Variants in RAB37 observed in about 807,000 individuals in gnomAD.
RAB37 encodes the protein RAB37, member RAS oncogene family, also known as ras-related protein Rab-37.
In RAB37, 29 loss-of-function variants were observed where a neutral mutation model predicts 33.1. The observed-to-expected ratio is 0.88, with a 90% CI of 0.65 to 1.20. The LOEUF (loss-of-function observed/expected upper bound fraction) is 1.20, where lower values mean the gene tolerates loss of function less well. Ranked by LOEUF, RAB37 falls within the 50% of genes most tolerant of loss-of-function variation. The pLI, the probability that RAB37 is intolerant of heterozygous loss-of-function variation, is 0.00. For missense variants in RAB37, 299 were observed against 301.1 expected (o/e 0.99, Z 0.05); for synonymous variants, 128 against 119.5 (o/e 1.07, Z -0.47).
At chr17:74,706,426 A>C (rs2033523096) in intron 1 of RAB37, among the ~76,000 whole-genome samples, 1 of 151,578 alleles carries the variant, frequency 6.6e-6, no homozygotes, top group South Asian at 2.1e-4. Flanking sequence ...GAATAAAAAG[A>C]ACATATATAT....
At chr17:74,693,142 T>C (rs1343569315) in intron 1 of RAB37, among the ~76,000 whole-genome samples, 1 of 152,232 alleles carries the variant, frequency 6.6e-6, no homozygotes, top group Admixed American at 6.5e-5. Flanking sequence ...AAGGAAGGCC[T>C]CTTCTAAGAG....
chr17:74,673,879 C>A (rs1036729279), intron 1 of RAB37, among the ~76,000 whole-genome samples: 2 of 152,136 alleles, frequency 1.3e-5, no homozygotes, highest in Non-Finnish European at 2.9e-5. Context: ...GTGCTGACAA[C>A]CTCCTCCTAA....
chr17:74,673,147 G>A (rs1330591270), intron 1 of RAB37, among the ~76,000 whole-genome samples: 1 of 152,190 alleles, frequency 6.6e-6, no homozygotes, highest in Non-Finnish European at 1.5e-5. Context: ...GCTCACACCT[G>A]TAATCTCAGC....
intron 1 of RAB37, among the ~76,000 whole-genome samples, chr17:74,716,525 T>C (rs867914575): frequency 6.6e-6 from 1 of 152,224 alleles, no homozygotes; most frequent in Non-Finnish European, 1.5e-5. Context: ...CATTATTACA[T>C]TGAATCCTCA....
chr17:74,710,530 T>A (rs949355492), intron 1 of RAB37, among the ~76,000 whole-genome samples: 1 of 151,972 alleles, frequency 6.6e-6, no homozygotes, highest in South Asian at 2.1e-4. Flanking sequence ...TTCCTAGGAA[T>A]AACTTTAACA....
At chr17:74,698,651 G>A in intron 1 of RAB37, 1 of 1,457,964 alleles carries the variant, frequency 6.9e-7, no homozygotes. Flanking sequence ...GGTTTACAAT[G>A]AGTACACATA....
chr17:74,726,648 A>G (rs150950983), intron 1 of RAB37, among the ~76,000 whole-genome samples: 24 of 152,294 alleles, frequency 1.6e-4, no homozygotes, highest in African/African-American at 5.5e-4. Flanking sequence ...GAGGTTCAGG[A>G]GGTGGGTGGG....
intron 1 of RAB37, chr17:74,705,211 C>G (rs556337565): frequency 3.1e-5 from 22 of 702,472 alleles, no homozygotes; most frequent in South Asian, 3.1e-4. Flanking sequence ...TACCTTGACT[C>G]TTAGCACTGA....
intron 1 of RAB37, among the ~76,000 whole-genome samples, chr17:74,710,148 T>G (rs1423587168): frequency 1.3e-5 from 2 of 151,954 alleles, no homozygotes; most frequent in African/African-American, 2.4e-5. Context: ...CCAGCTAATT[T>G]TTTGTACTTT....
Position 74,676,878 on chromosome 17 carries a change from C to T in RAB37, c.72+5220C>T, listed in dbSNP as rs922608340. On this transcript the variant is annotated intron_variant, in intron 1 of 7. Transcript: ENST00000340415. The surrounding 1 kb of genome is among the most constrained non-coding windows in gnomAD (Gnocchi z 4.1). ...GATTAAAGTTAACCTCCAGGCTTGG[C>T]ACGGTGGCTCACACCTGTAATCCCA... Among the ~76,000 whole-genome samples the T allele has an allele frequency of 6.6e-6, 1 of 152,174 alleles. No individual in the cohort carries two copies. The highest frequency in any genetic ancestry group is 2.4e-5 in the African/African-American group (1 of 41,440).
chr17:74,700,386 A>G (rs552147832), intron 1 of RAB37, among the ~76,000 whole-genome samples: 1 of 152,096 alleles, frequency 6.6e-6, no homozygotes, highest in African/African-American at 2.4e-5. Context: ...ATTTTTCTCC[A>G]GGAACATGCT....
At chr17:74,698,579 A>T (rs777838806) in intron 1 of RAB37, 4 of 1,521,594 alleles carry the variant, frequency 2.6e-6, no homozygotes, top group Non-Finnish European at 3.5e-6. Flanking sequence ...CACACACCTG[A>T]TGAGCTGCAG....
chr17:74,688,635 G>A (rs2032101024), intron 1 of RAB37, among the ~76,000 whole-genome samples: 1 of 151,332 alleles, frequency 6.6e-6, no homozygotes, highest in South Asian at 2.1e-4. Context: ...AAATAAGAGT[G>A]TAAAAAAAAA....
chr17:74,680,132 A>C (rs1048189185), intron 1 of RAB37, among the ~76,000 whole-genome samples: 12 of 152,012 alleles, frequency 7.9e-5, no homozygotes, highest in Non-Finnish European at 8.8e-5. Flanking sequence ...AACTCACTTA[A>C]TCCTACAACA....
At chr17:74,728,323 ATG>A (rs750212443) in intron 1 of RAB37, among the ~76,000 whole-genome samples, 5 of 148,176 alleles carry the variant, frequency 3.4e-5, no homozygotes, top group Admixed American at 1.3e-4. Flanking sequence ...TTGTGTGTAC[ATG>A]TGTGTTTTAT....
intron 1 of RAB37, among the ~76,000 whole-genome samples, chr17:74,703,899 T>C (rs1034007472): frequency 6.6e-6 from 1 of 152,088 alleles, no homozygotes; most frequent in Non-Finnish European, 1.5e-5. Context: ...TAGGAAGAAA[T>C]ATCATTAAGT....
Position 74,671,440 on chromosome 17 carries a change from G to A in RAB37, c.-147G>A. The A allele has an allele frequency of 2.9e-6, 2 of 685,560 alleles. No individual in the cohort carries two copies. Among genetic ancestry groups the A allele is most frequent in the Middle Eastern group, 8.1e-4 (2 of 2,466 alleles). 42.5% of individuals were successfully genotyped at this position (685,560 alleles called of 1,614,324 possible). A position where few individuals can be genotyped will look rare whatever the true frequency, so the allele number is the denominator to read the frequency against. On this transcript the variant is annotated 5_prime_UTR_variant, in exon 1 of 8. Transcript: ENST00000340415. The surrounding 1 kb of genome is among the most constrained non-coding windows in gnomAD (Gnocchi z 5.0). ...CTGGTACCGCGCCGCGGCCGCTGCG[G>A]GGAACTGTCCAGTGCTGAAAACGGA...
chr17:74,705,377 G>A, intron 1 of RAB37: 1 of 641,244 alleles, frequency 1.6e-6, no homozygotes, highest in Non-Finnish European at 2.9e-6. Context: ...GTCTCCATGT[G>A]CTATAGGATC....
chr17:74,694,745 T>A (rs1449765501), intron 1 of RAB37: 1 of 182,040 alleles, frequency 5.5e-6, no homozygotes, highest in Non-Finnish European at 1.1e-5. Flanking sequence ...GCCCATAACA[T>A]GTGGTAGGCA....
Sources: allele counts gnomAD v4.1 joint callset (sites outside exome capture counted in the v4.1 genomes callset), GRCh38; gene constraint gnomAD v4.1.1; non-coding constraint Gnocchi (gnomAD v3.1); transcripts MANE v1.5; gene names NCBI Gene and HGNC (gene_info 2026-07-23, HGNC 2026-07-21).